Variants in REDIC1 observed in about 807,000 individuals in gnomAD.
REDIC1 encodes regulator of DNA class I crossover intermediates 1.
chr12:39,700,043 CA>C, the REDIC1 span, among the ~76,000 whole-genome samples: 1 of 152,188 alleles, frequency 6.6e-6, no homozygotes, highest in African/African-American at 2.4e-5. Flanking sequence ...TCTCCTCCTC[CA>C]AAGGAACGCA....
chr12:39,693,429 T>TC, the REDIC1 span, among the ~76,000 whole-genome samples: 1 of 151,796 alleles, frequency 6.6e-6, no homozygotes, highest in African/African-American at 2.4e-5. Flanking sequence ...TTTTTTTTTT[T>TC]CTGCTTTCTG....
At chr12:39,880,606 T>G in the REDIC1 span, among the ~76,000 whole-genome samples, 1 of 152,216 alleles carries the variant, frequency 6.6e-6, no homozygotes, top group Non-Finnish European at 1.5e-5. Flanking sequence ...TTTAATATAT[T>G]AGAAAATAAT....
chr12:39,871,699 C>A, the REDIC1 span: 1 of 1,168,912 alleles, frequency 8.6e-7, no homozygotes. Context: ...GGCTGAGAAA[C>A]CAATATTAGA....
At chr12:39,632,470 AT>A in the REDIC1 span, among the ~76,000 whole-genome samples, 2 of 152,116 alleles carry the variant, frequency 1.3e-5, no homozygotes, top group Non-Finnish European at 2.9e-5. Flanking sequence ...TAAAACCAAT[AT>A]TTTTGTCCAC....
chr12:39,840,717 ATAT>A, the REDIC1 span, among the ~76,000 whole-genome samples: 15 of 151,996 alleles, frequency 9.9e-5, no homozygotes, highest in Non-Finnish European at 1.9e-4. Flanking sequence ...CAAAACGCTC[ATAT>A]TATTATCATG....
chr12:39,738,945 A>T, the REDIC1 span, among the ~76,000 whole-genome samples: 2 of 152,160 alleles, frequency 1.3e-5, no homozygotes, highest in African/African-American at 4.8e-5. Context: ...TCATTGCCAT[A>T]TACTAAGTTT....
the REDIC1 span, among the ~76,000 whole-genome samples, chr12:39,662,369 CTAGA>C: frequency 1.3e-5 from 2 of 151,638 alleles, no homozygotes; most frequent in Admixed American, 6.6e-5. Context: ...AAATTTATTC[CTAGA>C]TATTTTATTT....
chr12:39,658,565 T>TC, the REDIC1 span, among the ~76,000 whole-genome samples: 2 of 152,222 alleles, frequency 1.3e-5, no homozygotes, highest in African/African-American at 4.8e-5. Context: ...CAGACTGGTA[T>TC]AGTGGCTAAG....
the REDIC1 span, chr12:39,648,111 G>C: frequency 1.7e-6 from 1 of 578,642 alleles, no homozygotes; most frequent in East Asian, 3.5e-5. Flanking sequence ...ATAAATTAAG[G>C]TTCATTCCCT....
chr12:39,890,222 C>T, the REDIC1 span, among the ~76,000 whole-genome samples: 2 of 151,922 alleles, frequency 1.3e-5, no homozygotes, highest in Admixed American at 6.6e-5. Flanking sequence ...AAAACCTGGC[C>T]ATTTGTTTAC....
the REDIC1 span, among the ~76,000 whole-genome samples, chr12:39,900,327 G>C: frequency 4.6e-5 from 7 of 152,266 alleles, no homozygotes; most frequent in East Asian, 9.6e-4. Context: ...CATAGTGTTG[G>C]AAGTTCTGGC....
At chr12:39,889,877 C>T in the REDIC1 span, among the ~76,000 whole-genome samples, 1 of 151,984 alleles carries the variant, frequency 6.6e-6, no homozygotes, top group African/African-American at 2.4e-5. Context: ...TTTTATTATC[C>T]AATATTTACA....
the REDIC1 span, chr12:39,720,996 G>T: frequency 1.2e-6 from 2 of 1,613,756 alleles, no homozygotes; most frequent in Admixed American, 1.7e-5. Context: ...AGTTTCCACA[G>T]TTGCAGTGCA....
chr12:39,797,142 T>G, the REDIC1 span, among the ~76,000 whole-genome samples: 1 of 152,212 alleles, frequency 6.6e-6, no homozygotes, highest in African/African-American at 2.4e-5. Context: ...TTGTTATTTG[T>G]AAAAATTCTG....
At chr12:39,884,408 C>T in the REDIC1 span, among the ~76,000 whole-genome samples, 1,856 of 152,256 alleles carry the variant, frequency 0.012, 41 homozygotes, top group African/African-American at 0.042. Context: ...AATCTATGTC[C>T]TTTACCTCTG....
chr12:39,871,974 GA>G, the REDIC1 span: 1 of 1,549,944 alleles, frequency 6.5e-7, no homozygotes, highest in South Asian at 1.2e-5. Flanking sequence ...GCAAAGCAAT[GA>G]ATAAAACAAT....
the REDIC1 span, among the ~76,000 whole-genome samples, chr12:39,791,279 C>T: frequency 8.0e-6 from 1 of 124,976 alleles, no homozygotes; most frequent in Non-Finnish European, 1.7e-5. Flanking sequence ...ACTGAATGGG[C>T]AAAAACTGGA....
chr12:39,757,055 T>C, the REDIC1 span: 3 of 151,786 alleles, frequency 2.0e-5, no homozygotes, highest in African/African-American at 7.2e-5. Context: ...TTATTAGGAA[T>C]GTTTACATTG....
the REDIC1 span, among the ~76,000 whole-genome samples, chr12:39,786,261 G>A: frequency 6.6e-6 from 1 of 152,068 alleles, no homozygotes; most frequent in African/African-American, 2.4e-5. Flanking sequence ...TGCTATCCTC[G>A]TGATAGCGAA....
Sources: allele counts gnomAD v4.1 joint callset (sites outside exome capture counted in the v4.1 genomes callset), GRCh38; gene constraint gnomAD v4.1.1; transcripts MANE v1.5; gene names NCBI Gene and HGNC (gene_info 2026-07-23, HGNC 2026-07-21).